The following NPAT variants were observed in gnomAD, a reference collection of about 807,000 sequenced individuals.
NPAT encodes the protein protein NPAT.
In NPAT, 52 loss-of-function variants were observed where a neutral mutation model predicts 130.7. That is an observed-to-expected ratio of 0.40 (90% CI 0.32 to 0.50). The LOEUF (loss-of-function observed/expected upper bound fraction) is 0.50, where lower values mean the gene tolerates loss of function less well. Among genes scored for constraint, NPAT ranks in the 20% least tolerant of loss-of-function variants. The pLI, the probability that NPAT is intolerant of heterozygous loss-of-function variation, is 0.68. For missense variants in NPAT, 1,687 were observed against 1,662.6 expected, an observed-to-expected ratio of 1.01 and a Z score of -0.26; for synonymous variants, 580 against 584.8, an observed-to-expected ratio of 0.99 and a Z score of 0.12.
chr11:108,162,258 A>G (rs1350193928), intron 15 of NPAT, 78 bp from the exon 16 acceptor site: 13 of 1,310,486 alleles, frequency 9.9e-6, no homozygotes, highest in Middle Eastern at 2.1e-4. Context: ...CAATTATCAC[A>G]TATCATGAGA....
intron 12 of NPAT, among the ~76,000 whole-genome samples, 181 bp from the exon 13 acceptor site, chr11:108,174,032 G>A (rs968392990): frequency 8.5e-5 from 13 of 152,264 alleles, no homozygotes; most frequent in Non-Finnish European, 1.5e-4. Context: ...GTACTTTCTA[G>A]TTACTGATGA....
In NPAT at chr11:108,189,008, C is replaced by G. The variant is rs181799729; in HGVS notation, c.556+98G>C. ...TCTCTCTCATCTTTTATGGGGGGGG[C>G]CATAATTTTACACTATGAGTATAAA... On this transcript the variant is annotated intron_variant, in intron 6 of 17. Coordinates refer to ENST00000278612, the MANE Select transcript of NPAT (RefSeq NM_002519.3). 621 of 921,416 alleles carry G rather than the reference C, an allele frequency of 6.7e-4. 4 individuals are homozygous for G. In the African/African-American group the frequency reaches 8.3e-3, roughly 12 times the overall value. 57.1% of individuals were successfully genotyped at this position (921,416 alleles called of 1,614,324 possible).
At chr11:108,192,954 C>CA (rs796134451) in intron 3 of NPAT, among the ~76,000 whole-genome samples, 2,028 of 134,290 alleles carry the variant, frequency 0.015, 53 homozygotes, top group African/African-American at 0.051. Context: ...ACTCCCGTCT[C>CA]AAAAAAAAAA....
At chr11:108,204,795 G>GT (rs1349492288) in intron 1 of NPAT, among the ~76,000 whole-genome samples, 3 of 152,234 alleles carry the variant, frequency 2.0e-5, no homozygotes, top group Non-Finnish European at 2.9e-5. Flanking sequence ...AGACAGAGTT[G>GT]TAACAGTCCT....
At chr11:108,180,816 G>A (rs1388498406) in intron 10 of NPAT, among the ~76,000 whole-genome samples, 1 of 152,148 alleles carries the variant, frequency 6.6e-6, no homozygotes, top group Non-Finnish European at 1.5e-5. Context: ...ATACATGAAT[G>A]GATAAACAAA....
intron 1 of NPAT, among the ~76,000 whole-genome samples, chr11:108,201,303 C>A (rs1255020835): frequency 6.6e-6 from 1 of 152,140 alleles, no homozygotes; most frequent in East Asian, 1.9e-4. Flanking sequence ...GATTACAGGA[C>A]TATGGATACC....
At chr11:108,198,230 A>C (rs532572406) in intron 1 of NPAT, among the ~76,000 whole-genome samples, 30 of 152,228 alleles carry the variant, frequency 2.0e-4, no homozygotes, top group Admixed American at 4.6e-4. Context: ...TCTAATCTCA[A>C]GAGTTGTCAC....
Position 108,161,707 on chromosome 11 carries a change from TC to T in NPAT, c.3378del (p.Ile1127PhefsTer15). ...ATGGCACTTTCCGATTTAGATAAAA[TC>T]TTAGGCAGAGGAGGCTTCTCTTTCT... The part of the protein sequence containing the change: ...KREKEKPPLP[K>X]ILSKSESAIS... On this transcript the variant is annotated frameshift_variant, in exon 17 of 18. Transcript: ENST00000278612. LOFTEE classifies it high-confidence loss of function. 6.2e-7 allele frequency: 1 copy of T among 1,613,892 alleles called. No individual in the cohort carries two copies. Among genetic ancestry groups the T allele is most frequent in the Non-Finnish European group, 8.5e-7 (1 of 1,180,020 alleles).
chr11:108,172,332 C>T lies in NPAT; in HGVS notation c.2652G>A (p.Gln884=). The change falls in exon 13 of 18, where the codon CAG becomes CAA. Residue 884 remains glutamine, a synonymous_variant. Transcript: ENST00000278612. ...TTCCAGGCAACACCACTACATTAGA[C>T]TGACTTACAGATGTTCCTAACGCTG... ...DPTALGTSVS[Q]SNVVVLPGNS... 2 of 1,614,216 alleles carry T rather than the reference C, an allele frequency of 1.2e-6. No homozygotes were observed. Among genetic ancestry groups the T allele is most frequent in the Non-Finnish European group, 1.7e-6 (2 of 1,180,036 alleles).
chr11:108,184,729 C>T (rs2078090055), intron 10 of NPAT, among the ~76,000 whole-genome samples: 1 of 152,108 alleles, frequency 6.6e-6, no homozygotes, highest in African/African-American at 2.4e-5. Flanking sequence ...TGGGATTTCA[C>T]CATGTTGGCC....
chr11:108,215,167 A>G (rs1405693752), intron 1 of NPAT, among the ~76,000 whole-genome samples: 1 of 152,024 alleles, frequency 6.6e-6, no homozygotes, highest in Non-Finnish European at 1.5e-5. Flanking sequence ...TAGTATAATT[A>G]CTCCCTATTC....
chr11:108,161,318 T>TAA lies in NPAT; in HGVS notation c.3767_3768insTT (p.Ser1257Ter). 2 of 1,614,232 alleles carry TAA rather than the reference T, an allele frequency of 1.2e-6. No individual in the cohort carries two copies. Among genetic ancestry groups the TAA allele is most frequent in the Non-Finnish European group, 1.7e-6 (2 of 1,180,040 alleles). ...AATCACTACTATCAGCAAGCCTACT[T>TAA]ACTGAGCTGTGCCTCTGTATATCCT... is the stretch of plus-strand genomic sequence containing the variant. On this transcript the variant is annotated frameshift_variant, in exon 17 of 18. Coordinates refer to ENST00000278612, the MANE Select transcript of NPAT (RefSeq NM_002519.3). LOFTEE classifies it high-confidence loss of function.
intron 17 of NPAT, 138 bp downstream of exon 17, chr11:108,160,742 T>A (rs995079650): frequency 1.5e-5 from 11 of 748,926 alleles, no homozygotes; most frequent in Non-Finnish European, 2.4e-5. Flanking sequence ...ATCATGGTTA[T>A]GTATTTTGTC....
chr11:108,192,580 T>C (rs1376783601), intron 3 of NPAT, among the ~76,000 whole-genome samples: 1 of 152,222 alleles, frequency 6.6e-6, no homozygotes, highest in East Asian at 1.9e-4. Flanking sequence ...TGCAAATTCC[T>C]TATAAGTGTG....
At chr11:108,188,955 C>A in intron 6 of NPAT, 151 bp downstream of exon 6, 1 of 675,872 alleles carries the variant, frequency 1.5e-6, no homozygotes, top group Non-Finnish European at 2.6e-6. Context: ...ATGCTTATAG[C>A]AAATCTAGAA....
chr11:108,216,753 A>G (rs1050091978), intron 1 of NPAT, among the ~76,000 whole-genome samples: 60 of 152,304 alleles, frequency 3.9e-4, no homozygotes, highest in East Asian at 1.7e-3. Flanking sequence ...TACCTCTATA[A>G]TAAGTGTTTA....
At chr11:108,187,673 CAA>C (rs2134859935) in intron 7 of NPAT, among the ~76,000 whole-genome samples, 1 of 152,208 alleles carries the variant, frequency 6.6e-6, no homozygotes, top group African/African-American at 2.4e-5. Flanking sequence ...ACACTTTTCT[CAA>C]AAGTGTTTTG....
At chr11:108,171,946 T>C in intron 13 of NPAT, 1 of 485,656 alleles carries the variant, frequency 2.1e-6, no homozygotes, top group African/African-American at 1.9e-5. Context: ...TGTAACTTAC[T>C]AGCACATAGA....
At position 108,160,856 on chromosome 11, in the gene NPAT, T is replaced by C. The variant is rs774996960; in HGVS notation, c.4206+24A>G. 8 of 1,597,132 alleles carry C rather than the reference T, an allele frequency of 5.0e-6. No individual in the cohort carries two copies. In the South Asian group the frequency reaches 8.9e-5, roughly 18 times the overall value. On this transcript the variant is annotated intron_variant, in intron 17 of 17. Transcript: ENST00000278612. The stretch of plus-strand genomic sequence containing the variant: ...AAAGCGGAAAAAAAAGGTGTGGTTT[T>C]GAAATTAAAACTTTCAAACTTGCCT...
Sources: gnomAD v4.1 joint callset for allele counts (sites outside exome capture counted in the v4.1 genomes callset) on GRCh38, gnomAD v4.1.1 for gene constraint, MANE v1.5 for transcripts, NCBI Gene and HGNC (gene_info 2026-07-23, HGNC 2026-07-21) for gene names.